The following TUBE1 variants were observed in gnomAD, a reference collection of about 807,000 sequenced individuals.
TUBE1 encodes the protein tubulin epsilon 1, also known as tubulin epsilon chain.
Under a neutral mutation model 53.5 loss-of-function variants are expected in TUBE1, and 34 were observed. The observed-to-expected ratio is 0.64, with a 90% CI of 0.48 to 0.85. The LOEUF is 0.85. TUBE1 is among the 40% of genes least tolerant of loss of function. The probability of loss-of-function intolerance (pLI) is 0.00; values close to 1 mark genes in which losing one functional copy is unlikely to be tolerated. For synonymous variants in TUBE1, 177 were observed against 198.4 expected (o/e 0.89, Z 0.91); for missense variants, 532 against 570.5 (o/e 0.93, Z 0.69).
intron 10 of TUBE1, among the ~76,000 whole-genome samples, chr6:112,072,540 T>C (rs1776886700): frequency 6.6e-6 from 1 of 152,104 alleles, no homozygotes; most frequent in East Asian, 1.9e-4. Flanking sequence ...ATAAAACATG[T>C]CATATATCAT....
At chr6:112,084,270 T>C (rs782707365) in intron 3 of TUBE1, 24 bp from the exon 4 acceptor site, 2 of 1,597,106 alleles carry the variant, frequency 1.3e-6, no homozygotes, top group Non-Finnish European at 8.6e-7. Flanking sequence ...AAATGAGAAA[T>C]GGTCATAAGA....
At chr6:112,086,429 G>T in intron 3 of TUBE1, 127 bp downstream of exon 3, 1 of 550,816 alleles carries the variant, frequency 1.8e-6, no homozygotes, top group Non-Finnish European at 3.1e-6. Context: ...GAATAAATAT[G>T]CTTTCAATAA....
At position 112,081,191 on chromosome 6, in the gene TUBE1, A is replaced by G. The variant is rs1777064519; in HGVS notation, c.227T>C (p.Met76Thr). Reference protein sequence around the residue: ...SLKARAVLIDMEEGVVNEILQ... With the variant: ...SLKARAVLIDTEEGVVNEILQ... ...AATTTCATTCACTACCCCTTCTTCC[A>G]TATCAATCAAGACTGCCTGAGAAAG... Residue 76 changes from methionine to threonine, a missense_variant, in exon 5 of 12, where the codon ATG becomes ACG. Physicochemically the swap from Met to Thr is moderately conservative, Grantham distance 81. Transcript: ENST00000368662. 3.1e-6 allele frequency: 5 copies of G among 1,599,682 alleles called. No homozygotes were observed. The highest frequency in any genetic ancestry group is 4.3e-6 in the Non-Finnish European group (5 of 1,170,212).
Position 112,076,353 on chromosome 6 carries a change from T to G in TUBE1, c.605A>C (p.His202Pro), listed in dbSNP as rs1400342512. The change falls in exon 7 of 12, where the codon CAT becomes CCT. Residue 202 changes from histidine (H) to proline (P), a missense_variant. His to Pro is a moderately conservative substitution (Grantham distance 77). Transcript: ENST00000368662. ...SILAMKELNE[H>P]ADCVLPIDNQ... ...GTCAATGGGCAATACACAGTCTGCA[T>G]GCTCATTAAGTTCCTTCATTGCCAA... 1.9e-6 allele frequency: 3 copies of G among 1,601,382 alleles called. No homozygotes were observed. The highest frequency in any genetic ancestry group is 2.6e-6 in the Non-Finnish European group (3 of 1,175,184).
chr6:112,078,416 G>A (rs1315554925), intron 6 of TUBE1: 11 of 152,020 alleles, frequency 7.2e-5, no homozygotes, highest in African/African-American at 2.7e-4. Flanking sequence ...GTCTGAGAAA[G>A]AGATAAAGTG....
rs1776957635 is a variant in TUBE1, at chr6:112,075,947, T to G, written c.802A>C (p.Asn268His). 1.2e-6 allele frequency: 2 copies of G among 1,610,538 alleles called. No individual in the cohort carries two copies. Among genetic ancestry groups the G allele is most frequent in the African/African-American group, 1.3e-5 (1 of 74,852 alleles). Residue 268 changes from asparagine (N) to histidine (H), a missense_variant, in exon 8 of 12, where the codon AAC (asparagine) becomes CAC (histidine). Transcript: ENST00000368662. ...CCTGGATAGAATTACCTCGTTAGGT[T>G]GAGGAGCAAATTTGCCACAATGTTA... ...MNNIVANLLL[N>H]LTSSARFEGS...
Position 112,071,395 on chromosome 6 carries a change from T to C in TUBE1, c.*17A>G. 6.8e-7 allele frequency: 1 copy of C among 1,468,378 alleles called. No individual in the cohort carries two copies. The allele number at this position is 1,468,378 out of a possible 1,614,324, so 91.0% of individuals were successfully genotyped here. ...AAACAATGTGAAATTAAGAAAGTAT[T>C]TTTGAGGGTTTCTTTTTCACATAGC... is the stretch of plus-strand genomic sequence containing the variant. On this transcript the variant is annotated 3_prime_UTR_variant, in exon 12 of 12. Transcript: ENST00000368662.
At chr6:112,077,952 G>C (rs900913928) in intron 6 of TUBE1, 4 of 151,880 alleles carry the variant, frequency 2.6e-5, no homozygotes, top group Non-Finnish European at 4.4e-5. Flanking sequence ...AATGGGCAAA[G>C]GATAGAAACA....
intron 6 of TUBE1, 117 bp downstream of exon 6, chr6:112,079,516 C>T: frequency 1.0e-6 from 1 of 982,734 alleles, no homozygotes; most frequent in Non-Finnish European, 1.5e-6. Context: ...AAACTACACA[C>T]CCTCCGAATA....
chr6:112,072,482 G>A (rs1042337823), intron 10 of TUBE1, among the ~76,000 whole-genome samples: 6 of 152,096 alleles, frequency 3.9e-5, no homozygotes, highest in Non-Finnish European at 4.4e-5. Context: ...ACTGGTGGCA[G>A]TGGTAATAAA....
rs1583596815 is a variant in TUBE1, at chr6:112,081,126, G to A, written c.292C>T (p.Leu98Phe). The change falls in exon 5 of 12, where the codon CTC (leucine) becomes TTC (phenylalanine). Residue 98 changes from leucine (L) to phenylalanine (F), a missense_variant. Transcript: ENST00000368662. ...PLRDVFDTKQ[L>F]ITDISGSGNN... ...CCTGAGCCAGAAATATCAGTGATGA[G>A]CTGTTTCGTATCAAATACATCTCTC... 3 of 1,605,614 alleles carry A rather than the reference G, an allele frequency of 1.9e-6. No homozygotes were observed. The highest frequency in any genetic ancestry group is 1.1e-5 in the South Asian group (1 of 90,194).
rs907505373 is a variant in TUBE1, at chr6:112,075,942, T to A, written c.807A>T (p.Leu269=). 3.0e-5 allele frequency: 48 copies of A among 1,607,604 alleles called. No individual in the cohort carries two copies. The highest frequency in any genetic ancestry group is 3.6e-5 in the Non-Finnish European group (42 of 1,176,468). Residue 269 remains leucine, a synonymous_variant, in exon 8 of 12, where the codon CTA becomes CTT. Coordinates refer to ENST00000368662, the MANE Select transcript of TUBE1 (RefSeq NM_016262.5). ...NNIVANLLLN[L]TSSARFEGSL... ...CTATCCCTGGATAGAATTACCTCGT[T>A]AGGTTGAGGAGCAAATTTGCCACAA...
intron 4 of TUBE1, among the ~76,000 whole-genome samples, chr6:112,083,737 A>G (rs1328661969): frequency 2.0e-5 from 3 of 152,240 alleles, no homozygotes; most frequent in African/African-American, 4.8e-5. Flanking sequence ...AAGACTGTAA[A>G]TAAGACTGTA....
intron 2 of TUBE1, 50 bp downstream of exon 2, chr6:112,087,183 C>T: frequency 1.3e-6 from 2 of 1,498,652 alleles, no homozygotes; most frequent in Non-Finnish European, 1.8e-6. Context: ...TGCGTATGGG[C>T]TGGAAGACCT....
intron 11 of TUBE1, 45 bp downstream of exon 11, chr6:112,071,857 T>C: frequency 6.5e-7 from 1 of 1,528,320 alleles, no homozygotes; most frequent in Non-Finnish European, 8.8e-7. Context: ...ACATCTTAAA[T>C]AGCCAAAATA....
In TUBE1 at chr6:112,087,176, G is replaced by A; in HGVS notation, c.99+57C>T. The A allele has an allele frequency of 2.1e-6, 3 of 1,441,190 alleles. No homozygotes were observed. In the South Asian group the frequency reaches 3.7e-5, roughly 18 times the overall value. 89.3% of individuals were successfully genotyped at this position (1,441,190 alleles called of 1,614,324 possible). On this transcript the variant is annotated intron_variant, in intron 2 of 11. Transcript: ENST00000368662. ...AAAGCTCAAGTCGATTATTTCCTGC[G>A]TATGGGCTGGAAGACCTAGCTGACA...
intron 5 of TUBE1, among the ~76,000 whole-genome samples, chr6:112,080,013 T>G (rs1051843621): frequency 3.5e-4 from 53 of 152,036 alleles, no homozygotes; most frequent in African/African-American, 1.3e-3. Context: ...AACTATGATT[T>G]TCTAAATTCA....
intron 6 of TUBE1, chr6:112,077,372 A>C (rs1361297310): frequency 6.6e-6 from 1 of 152,162 alleles, no homozygotes; most frequent in African/African-American, 2.4e-5. Flanking sequence ...TAAATTCAGA[A>C]ATTTTTCAGA....
At chr6:112,074,575 A>G in intron 9 of TUBE1, 135 bp downstream of exon 9, 1 of 541,224 alleles carries the variant, frequency 1.8e-6, no homozygotes, top group South Asian at 7.5e-5. Context: ...ATCTAATGCA[A>G]AAATGGATGT....
Sources: gnomAD v4.1 joint callset for allele counts (sites outside exome capture counted in the v4.1 genomes callset) on GRCh38, gnomAD v4.1.1 for gene constraint, MANE v1.5 for transcripts, NCBI Gene and HGNC (gene_info 2026-07-23, HGNC 2026-07-21) for gene names.